RHOBTB3: variants seen among roughly 807,000 people sequenced by gnomAD.
RHOBTB3 encodes the protein Rho related BTB domain containing 3, also known as rho-related BTB domain-containing protein 3.
In RHOBTB3, 47 loss-of-function variants were observed where a neutral mutation model predicts 67.2. That is an observed-to-expected ratio of 0.70 (90% CI 0.55 to 0.89). RHOBTB3 has a LOEUF of 0.89. Among genes scored for constraint, RHOBTB3 ranks in the 40% least tolerant of loss-of-function variants. The pLI is 0.00. For synonymous variants in RHOBTB3, 273 were observed against 274.2 expected, an observed-to-expected ratio of 1.00 and a Z score of 0.04; for missense variants, 631 against 750.0, an observed-to-expected ratio of 0.84 and a Z score of 1.85.
chr5:95,729,864 G>T (rs975161152), upstream of RHOBTB3, among the ~76,000 whole-genome samples: 5 of 152,220 alleles, frequency 3.3e-5, no homozygotes, highest in South Asian at 8.3e-4. Context: ...TTTTTTAAAC[G>T]CTAATCATCC....
At chr5:95,779,029 C>T (rs1745973869) in intron 8 of RHOBTB3, among the ~76,000 whole-genome samples, 3 of 152,346 alleles carry the variant, frequency 2.0e-5, no homozygotes, top group South Asian at 4.1e-4. Flanking sequence ...TGGAAAAAGC[C>T]ACTGGGCTTA....
At chr5:95,739,059 C>T (rs565948415) in intron 3 of RHOBTB3, among the ~76,000 whole-genome samples, 1 of 152,312 alleles carries the variant, frequency 6.6e-6, no homozygotes, top group East Asian at 1.9e-4. Flanking sequence ...GTCCTGGCTT[C>T]TCCTATATAA....
chr5:95,780,858 A>C (rs1399442668), intron 9 of RHOBTB3, among the ~76,000 whole-genome samples: 1 of 152,128 alleles, frequency 6.6e-6, no homozygotes, highest in Non-Finnish European at 1.5e-5. Context: ...AAGGACTTTC[A>C]ATATTCTGAG....
chr5:95,731,889 G>T lies in RHOBTB3; in HGVS notation c.33G>T (p.Glu11Asp). ...TCCACATCGTGGCGCTGGGGAACGAGGGGGACACATTCCACCAGGACAACC... is the reference window on the plus strand; with the variant it reads ...TCCACATCGTGGCGCTGGGGAACGATGGGGACACATTCCACCAGGACAACC... MSIHIVALGN[E>D]GDTFHQDNRP... The change falls in exon 2 of 12, where the codon GAG becomes GAT. Residue 11 changes from glutamate (E) to aspartate (D), a missense_variant. Glu to Asp is a conservative substitution (Grantham distance 45). Transcript: ENST00000379982. 6.2e-7 allele frequency: 1 copy of T among 1,613,836 alleles called. No individual in the cohort carries two copies. The highest frequency in any genetic ancestry group is 8.5e-7 in the Non-Finnish European group (1 of 1,179,832).
In RHOBTB3 at chr5:95,788,522, CAGCCGTAGATTGTT is replaced by C. The variant is rs563334027; in HGVS notation, c.1624-238_1624-225del. ...GCTTAAAGACGTTTGGCCACTCCGG[CAGCCGTAGATTGTT>C]ATTCGCTGTTGGCCTGGCTTCTTCC... On this transcript the variant is annotated intron_variant, in intron 10 of 11. Coordinates refer to ENST00000379982, the MANE Select transcript of RHOBTB3 (RefSeq NM_014899.4). Among the ~76,000 whole-genome samples, 4 of 152,316 alleles carry C rather than the reference CAGCCGTAGATTGTT, an allele frequency of 2.6e-5. No individual in the cohort carries two copies. In the East Asian group the frequency reaches 7.7e-4, roughly 29 times the overall value.
chr5:95,726,071 TA>T (rs1755045119), upstream of RHOBTB3, among the ~76,000 whole-genome samples: 1 of 152,214 alleles, frequency 6.6e-6, no homozygotes, highest in African/African-American at 2.4e-5. Context: ...TCAAATACCA[TA>T]AAGTGGAACA....
At chr5:95,784,651 G>A (rs1746166480) in intron 10 of RHOBTB3, among the ~76,000 whole-genome samples, 2 of 152,202 alleles carry the variant, frequency 1.3e-5, no homozygotes, top group African/African-American at 2.4e-5. Flanking sequence ...TGCAGTTACA[G>A]AGGCCCTAAA....
chr5:95,734,157 C>G (rs977576734), intron 2 of RHOBTB3, among the ~76,000 whole-genome samples: 1 of 152,104 alleles, frequency 6.6e-6, no homozygotes, highest in Non-Finnish European at 1.5e-5. Context: ...TAATACTAAG[C>G]AAAAGTAAGA....
rs1433706039 is a variant in RHOBTB3, at chr5:95,795,997, A to G, written c.*2823A>G. 2.0e-5 allele frequency: 3 copies of G among 152,176 alleles called. No homozygotes were observed. The highest frequency in any genetic ancestry group is 4.8e-5 in the African/African-American group (2 of 41,432). 9.4% of individuals were successfully genotyped at this position (152,176 alleles called of 1,614,324 possible). A position where few individuals can be genotyped will look rare whatever the true frequency, so the allele number is the denominator to read the frequency against. ...ATATTTCTGACTGCTCACTGTTCAT[A>G]TTATAGGGGACCAGATTTGTAATAT... On this transcript the variant is annotated 3_prime_UTR_variant, in exon 12 of 12. Transcript: ENST00000379982.
At chr5:95,768,306 G>A in intron 8 of RHOBTB3, 140 bp downstream of exon 8, 1 of 624,892 alleles carries the variant, frequency 1.6e-6, no homozygotes, top group Non-Finnish European at 2.7e-6. Context: ...CTACCTTAAT[G>A]TCAACAAAAT....
At chr5:95,776,025 C>A (rs568326221) in intron 8 of RHOBTB3, among the ~76,000 whole-genome samples, 1 of 152,098 alleles carries the variant, frequency 6.6e-6, no homozygotes, top group East Asian at 1.9e-4. Flanking sequence ...AAATAATTCA[C>A]ATTGGAATGT....
chr5:95,777,401 G>A (rs1745919310), intron 8 of RHOBTB3, among the ~76,000 whole-genome samples: 1 of 152,050 alleles, frequency 6.6e-6, no homozygotes, highest in African/African-American at 2.4e-5. Context: ...AGAAAACTTG[G>A]GCTTTTCATT....
chr5:95,769,922 G>T (rs568924107), intron 8 of RHOBTB3: 16 of 389,458 alleles, frequency 4.1e-5, no homozygotes, highest in South Asian at 3.3e-4. Context: ...CTGGTCCTCA[G>T]GTTATAGCAG....
chr5:95,754,738 G>A lies in RHOBTB3; in HGVS notation c.683-658G>A, dbSNP rs149740478. Among the ~76,000 whole-genome samples the A allele has an allele frequency of 4.5e-4, 68 of 152,168 alleles. 1 individual carries two copies. Among genetic ancestry groups the A allele is most frequent in the African/African-American group, 1.6e-3 (65 of 41,432 alleles). On this transcript the variant is annotated intron_variant, in intron 5 of 11. Transcript: ENST00000379982. ...GTTATATTCTCTTTTAGAAATTAGG[G>A]AGCTGAGTTAGCACTTTTGCTGAAG...
chr5:95,745,958 A>G (rs1168676759), intron 3 of RHOBTB3, among the ~76,000 whole-genome samples: 4 of 152,156 alleles, frequency 2.6e-5, no homozygotes, highest in Admixed American at 6.5e-5. Context: ...ACTATTAAGA[A>G]ACAAAAGCCT....
chr5:95,732,283 G>A (rs12656671), intron 2 of RHOBTB3, 199 bp downstream of exon 2: 65,634 of 619,360 alleles, frequency 0.11, 5,563 homozygotes, highest in East Asian at 0.41. Flanking sequence ...CTCTTAGGAA[G>A]ATAGAAGGCC....
Position 95,758,704 on chromosome 5 carries a change from C to A in RHOBTB3, c.1048+2943C>A, listed in dbSNP as rs112400907. Among the ~76,000 whole-genome samples the A allele has an allele frequency of 8.9e-4, 136 of 152,324 alleles. 1 individual carries two copies. The highest frequency in any genetic ancestry group is 1.6e-3 in the Non-Finnish European group (112 of 68,030). ...TGCCATTGGCCCTTCATCGTCTAGA[C>A]CAGTGCTTTTCAAACCTTAAAGTGT... On this transcript the variant is annotated intron_variant, in intron 6 of 11. Transcript: ENST00000379982.
chr5:95,786,989 T>G (rs1439678370), intron 10 of RHOBTB3, among the ~76,000 whole-genome samples: 1 of 152,230 alleles, frequency 6.6e-6, no homozygotes, highest in African/African-American at 2.4e-5. Flanking sequence ...TACCAATTCC[T>G]CATTCCTCAG....
At chr5:95,731,008 G>A, upstream of RHOBTB3, 1 of 759,124 alleles carries the variant, frequency 1.3e-6, no homozygotes, top group Non-Finnish European at 1.9e-6. Flanking sequence ...GGAGTGAGCG[G>A]GGGCCCCATC....
Sources: gnomAD v4.1 joint callset for allele counts (sites outside exome capture counted in the v4.1 genomes callset) on GRCh38, gnomAD v4.1.1 for gene constraint, MANE v1.5 for transcripts, NCBI Gene and HGNC (gene_info 2026-07-23, HGNC 2026-07-21) for gene names.